The following NBAS variants were observed in gnomAD, a reference collection of about 807,000 sequenced individuals.
NBAS encodes NBAS subunit of NRZ tethering complex, also known as NAG/BC035112 fusion.
Under a neutral mutation model 302.5 loss-of-function variants are expected in NBAS, and 219 were observed. The observed-to-expected ratio is 0.72, with a 90% CI of 0.65 to 0.81. NBAS has a LOEUF of 0.81. NBAS is among the 30% of genes least tolerant of loss of function. The pLI is 0.00. For synonymous variants in NBAS, 1,118 were observed against 1,021.6 expected (o/e 1.09, Z -1.80); for missense variants, 2,932 against 2,841.6 (o/e 1.03, Z -0.72).
intron 48 of NBAS, among the ~76,000 whole-genome samples, chr2:15,199,063 C>G (rs1188655897): frequency 7.1e-6 from 1 of 140,280 alleles, no homozygotes; most frequent in Non-Finnish European, 1.5e-5. Flanking sequence ...TGAGGCAGAG[C>G]TTGCAGTGAG....
At chr2:14,883,500 A>T in the NBAS span, among the ~76,000 whole-genome samples, 1 of 152,202 alleles carries the variant, frequency 6.6e-6, no homozygotes, top group African/African-American at 2.4e-5. Context: ...CCCTAAAAAA[A>T]TTTAGAAAAG....
chr2:15,410,824 C>T (rs1005756429), intron 25 of NBAS, among the ~76,000 whole-genome samples: 2 of 152,180 alleles, frequency 1.3e-5, no homozygotes, highest in African/African-American at 4.8e-5. Flanking sequence ...CTCCTTTCTT[C>T]TGGAAGTTTC....
the NBAS span, among the ~76,000 whole-genome samples, chr2:15,017,133 C>T: frequency 6.6e-6 from 1 of 152,000 alleles, no homozygotes; most frequent in Non-Finnish European, 1.5e-5. Flanking sequence ...TGAAACTAGG[C>T]CCCCACCTCT....
chr2:15,444,730 G>C (rs1678631356), intron 21 of NBAS, among the ~76,000 whole-genome samples: 1 of 150,708 alleles, frequency 6.6e-6, no homozygotes, highest in South Asian at 2.1e-4. Context: ...CTACAAAATG[G>C]GAGAAAATTT....
chr2:15,107,932 A>G, the NBAS span, among the ~76,000 whole-genome samples: 81,054 of 151,850 alleles, frequency 0.53, 23,537 homozygotes, highest in Admixed American at 0.68. Context: ...CTATGGAATC[A>G]TATAGTATCT....
At chr2:15,323,249 C>G (rs1008961019) in intron 38 of NBAS, among the ~76,000 whole-genome samples, 1 of 152,212 alleles carries the variant, frequency 6.6e-6, no homozygotes, top group Non-Finnish European at 1.5e-5. Flanking sequence ...AATAGACACA[C>G]TGTACTTTCA....
At chr2:15,074,375 AAAG>A in the NBAS span, among the ~76,000 whole-genome samples, 1 of 145,412 alleles carries the variant, frequency 6.9e-6, no homozygotes, top group Non-Finnish European at 1.5e-5. Flanking sequence ...GGAAGGATGG[AAAG>A]AAGGAAGGAT....
At chr2:15,474,996 G>A (rs1680129161) in intron 14 of NBAS, among the ~76,000 whole-genome samples, 1 of 152,178 alleles carries the variant, frequency 6.6e-6, no homozygotes, top group Non-Finnish European at 1.5e-5. Flanking sequence ...GTTTTACCAA[G>A]AATAGCTCTC....
chr2:15,068,466 C>T, the NBAS span, among the ~76,000 whole-genome samples: 4 of 152,176 alleles, frequency 2.6e-5, no homozygotes, highest in Non-Finnish European at 4.4e-5. Context: ...TTTGTCTAGA[C>T]CAGGATGAGA....
the NBAS span, among the ~76,000 whole-genome samples, chr2:14,939,299 C>A: frequency 6.6e-6 from 1 of 152,232 alleles, no homozygotes; most frequent in East Asian, 1.9e-4. Flanking sequence ...GTTACTACAG[C>A]TCTGCTTCTA....
chr2:15,172,391 C>T (rs1572392094), intron 51 of NBAS, among the ~76,000 whole-genome samples: 1 of 152,108 alleles, frequency 6.6e-6, no homozygotes, highest in East Asian at 1.9e-4. Flanking sequence ...GAAATCTTAA[C>T]CCTGATTTTT....
intron 48 of NBAS, among the ~76,000 whole-genome samples, chr2:15,202,115 A>T (rs955152610): frequency 6.6e-6 from 1 of 152,174 alleles, no homozygotes; most frequent in Non-Finnish European, 1.5e-5. Flanking sequence ...CACTGCAAAC[A>T]CCCCTTGGGA....
At chr2:15,518,014 T>A (rs998764920) in intron 9 of NBAS, among the ~76,000 whole-genome samples, 5 of 152,028 alleles carry the variant, frequency 3.3e-5, no homozygotes, top group African/African-American at 9.7e-5. Flanking sequence ...GTTTATTACA[T>A]CATTCTCTGT....
the NBAS span, among the ~76,000 whole-genome samples, chr2:14,876,482 T>C: frequency 2.0e-5 from 3 of 152,176 alleles, no homozygotes; most frequent in Non-Finnish European, 4.4e-5. Context: ...TGCCTGGGGA[T>C]TTTCTTTTCC....
intron 51 of NBAS, among the ~76,000 whole-genome samples, chr2:15,169,852 C>T (rs1664212525): frequency 1.3e-5 from 2 of 152,252 alleles, no homozygotes; most frequent in Non-Finnish European, 2.9e-5. Flanking sequence ...CAGCCACGTG[C>T]ATGCACATGC....
At chr2:14,783,571 T>A in the NBAS span, among the ~76,000 whole-genome samples, 1 of 148,752 alleles carries the variant, frequency 6.7e-6, no homozygotes, top group East Asian at 2.0e-4. Flanking sequence ...ACATGCGGTG[T>A]TTGGTTTTTT....
the NBAS span, among the ~76,000 whole-genome samples, chr2:14,925,098 G>A: frequency 6.6e-6 from 1 of 152,172 alleles, no homozygotes; most frequent in Admixed American, 6.5e-5. Flanking sequence ...TGTTCCCCAA[G>A]GAATTTTCAC....
In NBAS at chr2:15,296,609, T is replaced by G. The variant is rs370366422; in HGVS notation, c.4798-3843A>C. ...AAGGATGTTCTACGAGGCTGGAGGCTCAATTGAGGCCAGAAGTTTAAGACC... is the reference window on the plus strand; with the variant it reads ...AAGGATGTTCTACGAGGCTGGAGGCGCAATTGAGGCCAGAAGTTTAAGACC... On this transcript the variant is annotated intron_variant, in intron 40 of 51. Transcript: ENST00000281513. Among the ~76,000 whole-genome samples, 4 of 151,644 alleles carry G rather than the reference T, an allele frequency of 2.6e-5. No individual in the cohort carries two copies. In the East Asian group the frequency reaches 7.7e-4, roughly 29 times the overall value.
chr2:15,225,214 A>G (rs1667104123), intron 47 of NBAS, among the ~76,000 whole-genome samples: 1 of 152,232 alleles, frequency 6.6e-6, no homozygotes, highest in Admixed American at 6.5e-5. Flanking sequence ...AAAACAAAAC[A>G]GAGTATCTTC....
Sources: allele counts gnomAD v4.1 joint callset (sites outside exome capture counted in the v4.1 genomes callset), GRCh38; gene constraint gnomAD v4.1.1; transcripts MANE v1.5; gene names NCBI Gene and HGNC (gene_info 2026-07-23, HGNC 2026-07-21).